Variants in COL4A5 observed in about 807,000 individuals in gnomAD.
COL4A5 encodes collagen type IV alpha 5 chain.
COL4A5 carries 26 observed loss-of-function variants against 130.2 expected under a neutral mutation model. That is an observed-to-expected ratio of 0.20 (90% CI 0.15 to 0.28). The LOEUF (loss-of-function observed/expected upper bound fraction) is 0.28. COL4A5 is among the 10% of genes least tolerant of loss of function. COL4A5 has a pLI of 1.00. For missense variants in COL4A5, 1,131 were observed against 1,344.3 expected, an observed-to-expected ratio of 0.84 and a Z score of 2.48; for synonymous variants, 496 against 439.6, an observed-to-expected ratio of 1.13 and a Z score of -1.60.
intron 30 of COL4A5, 136 bp from the exon 31 acceptor site, chrX:108,620,123 T>C (rs1043796805): frequency 1.9e-5 from 10 of 528,496 alleles, no homozygotes; most frequent in African/African-American, 1.8e-4. Flanking sequence ...TTTGTGTGCA[T>C]GATGTCAAAA....
chrX:108,605,487 T>G (rs900500600), intron 28 of COL4A5, among the ~76,000 whole-genome samples: 4 of 111,844 alleles, frequency 3.6e-5, no homozygotes, highest in Non-Finnish European at 7.5e-5. Flanking sequence ...GTAACATCAG[T>G]GATCACATAT....
chrX:108,605,461 C>T (rs1203159671), intron 28 of COL4A5, among the ~76,000 whole-genome samples: 2 of 111,018 alleles, frequency 1.8e-5, no homozygotes, highest in African/African-American at 6.6e-5. Context: ...TTATGGTACC[C>T]CAAAACAATT....
At chrX:108,579,090 A>C (rs2066203246) in intron 13 of COL4A5, among the ~76,000 whole-genome samples, 1 of 111,674 alleles carries the variant, frequency 9.0e-6, no homozygotes, top group African/African-American at 3.3e-5. Context: ...CAGGGTAGTG[A>C]AACTATCAGT....
At chrX:108,574,598 ATATTTAGCTTTGCTT>A (rs1191645970) in intron 9 of COL4A5, among the ~76,000 whole-genome samples, 3 of 111,785 alleles carry the variant, frequency 2.7e-5, no homozygotes, top group Non-Finnish European at 5.6e-5. Context: ...AAGCAATAGA[ATATTTAGCTTTGCTT>A]TATAAAATAA....
At chrX:108,626,473 AT>A in intron 36 of COL4A5, 124 bp downstream of exon 36, 1 of 1,170,770 alleles carries the variant, frequency 8.5e-7, no homozygotes, top group Non-Finnish European at 1.2e-6. Context: ...TGGATAAGAG[AT>A]TTATTCCTTT....
chrX:108,651,700 A>T (rs1192913832), intron 36 of COL4A5, among the ~76,000 whole-genome samples: 3 of 111,785 alleles, frequency 2.7e-5, no homozygotes, highest in Non-Finnish European at 5.6e-5. Context: ...CTTGCATGGT[A>T]AAGGGTAGTA....
chrX:108,526,656 CTTTCTTCTTTCTTTCTCTTTCTT>C (rs1569481194), intron 1 of COL4A5, among the ~76,000 whole-genome samples: 146 of 51,728 alleles, frequency 2.8e-3, no homozygotes, highest in African/African-American at 0.011. Flanking sequence ...TTCTTTCTTT[CTTTCTTCTTTCTTTCTCTTTCTT>C]TCTTTCTTTC....
At chrX:108,659,789 GT>G (rs772233407) in intron 37 of COL4A5, among the ~76,000 whole-genome samples, 2 of 111,015 alleles carry the variant, frequency 1.8e-5, no homozygotes, top group African/African-American at 6.5e-5. Context: ...TTTAAAATAT[GT>G]TTTTTAGGAA....
rs770328581 is a variant in COL4A5, at chrX:108,687,596, C to T, written c.4430C>T (p.Thr1477Met). Residue 1477 changes from threonine (T) to methionine (M), a missense_variant, in exon 49 of 53, where the codon ACG becomes ATG. Physicochemically the swap from Thr to Met is moderately conservative, Grantham distance 81. Coordinates refer to ENST00000328300, the MANE Select transcript of COL4A5 (RefSeq NM_033380.3). ...CTTATTACACGCCACAGCCAGACAA[C>T]GGATGCACCACAATGCCCACAGGGA... is the stretch of plus-strand genomic sequence containing the variant. Reference protein sequence around the residue: ...GFLITRHSQTTDAPQCPQGTL... With the variant: ...GFLITRHSQTMDAPQCPQGTL... 10 of 1,209,301 alleles carry T rather than the reference C, an allele frequency of 8.3e-6. No individual in the cohort carries two copies. Among genetic ancestry groups the T allele is most frequent in the South Asian group, 3.5e-5 (2 of 56,767 alleles).
intron 25 of COL4A5, 47 bp downstream of exon 25, chrX:108,598,917 A>G (rs766554308): frequency 1.7e-6 from 2 of 1,171,691 alleles, no homozygotes; most frequent in Non-Finnish European, 2.3e-6. Flanking sequence ...AAAAACAGAA[A>G]TTTATTATGT....
chrX:108,633,252 A>AT (rs1045480854), intron 36 of COL4A5, among the ~76,000 whole-genome samples: 4 of 110,547 alleles, frequency 3.6e-5, no homozygotes, highest in African/African-American at 9.9e-5. Context: ...AGATTTTAGG[A>AT]TTTTTTGGAA....
At chrX:108,447,156 A>G (rs967930486) in intron 1 of COL4A5, among the ~76,000 whole-genome samples, 1 of 111,039 alleles carries the variant, frequency 9.0e-6, no homozygotes, top group African/African-American at 3.3e-5. Flanking sequence ...CCTGCACTGT[A>G]GCTGTCTTTC....
At chrX:108,668,698 A>G (rs1433987257) in intron 41 of COL4A5, among the ~76,000 whole-genome samples, 194 bp downstream of exon 41, 1 of 112,414 alleles carries the variant, frequency 8.9e-6, no homozygotes, top group Non-Finnish European at 1.9e-5. Flanking sequence ...ATCTATTTCC[A>G]TGGTTCTAAT....
Position 108,625,769 on chromosome X carries a change from A to T in COL4A5, c.3081A>T (p.Gly1027=). 1 of 1,205,777 alleles carries T rather than the reference A, an allele frequency of 8.3e-7. No individual in the cohort carries two copies. The highest frequency in any genetic ancestry group is 1.1e-6 in the Non-Finnish European group (1 of 890,166). ...TTATAGGACCTCCTGGACTTAAAGGAACCATCGGTGATATGGGTTTTCCAG... is the reference window on the plus strand; with the variant it reads ...TTATAGGACCTCCTGGACTTAAAGGTACCATCGGTGATATGGGTTTTCCAG... The part of the protein sequence containing the change: ...PGLIGPPGLK[G]TIGDMGFPGP... The change falls in exon 35 of 53, where the codon GGA becomes GGT. Residue 1027 remains glycine, a synonymous_variant. Coordinates refer to ENST00000328300, the MANE Select transcript of COL4A5 (RefSeq NM_033380.3).
chrX:108,668,493 C>T lies in COL4A5; in HGVS notation c.3779C>T (p.Pro1260Leu), dbSNP rs2068132607. 10 of 1,183,016 alleles carry T rather than the reference C, an allele frequency of 8.5e-6. No homozygotes were observed. Among genetic ancestry groups the T allele is most frequent in the Non-Finnish European group, 1.1e-5 (10 of 882,024 alleles). ...PKGNPGPQGP[P>L]GRPGPTGFQG... is the part of the protein sequence containing the mutation. ...GGCAACCCTGGGCCCCAAGGTCCTCCTGGGAGACCAGGTATGTCCGTGAGT... is the reference window on the plus strand; with the variant it reads ...GGCAACCCTGGGCCCCAAGGTCCTCTTGGGAGACCAGGTATGTCCGTGAGT... Residue 1260 changes from proline to leucine, a missense_variant, in exon 41 of 53, where the codon CCT becomes CTT. Coordinates refer to ENST00000328300, the MANE Select transcript of COL4A5 (RefSeq NM_033380.3).
At chrX:108,662,432 C>T (rs2067979694) in intron 37 of COL4A5, among the ~76,000 whole-genome samples, 1 of 111,359 alleles carries the variant, frequency 9.0e-6, no homozygotes, top group South Asian at 3.8e-4. Context: ...CAGAATTCTA[C>T]CATCTCCACC....
intron 1 of COL4A5, among the ~76,000 whole-genome samples, chrX:108,472,949 A>G (rs2064789049): frequency 8.9e-6 from 1 of 111,849 alleles, no homozygotes; most frequent in African/African-American, 3.2e-5. Flanking sequence ...TAGCTTTTTG[A>G]TAACAGCCAG....
At chrX:108,602,773 A>G (rs781733796) in intron 27 of COL4A5, among the ~76,000 whole-genome samples, 191 bp from the exon 28 acceptor site, 2 of 112,175 alleles carry the variant, frequency 1.8e-5, no homozygotes, top group Non-Finnish European at 3.8e-5. Context: ...CATTAGCTCT[A>G]TGTGAAAATA....
At chrX:108,537,443 A>T (rs1410767804) in intron 1 of COL4A5, among the ~76,000 whole-genome samples, 1 of 112,100 alleles carries the variant, frequency 8.9e-6, no homozygotes, top group African/African-American at 3.2e-5. Flanking sequence ...AATTACTTGT[A>T]AAATGACATG....
Sources: gnomAD v4.1 joint callset for allele counts (sites outside exome capture counted in the v4.1 genomes callset) on GRCh38, gnomAD v4.1.1 for gene constraint, MANE v1.5 for transcripts, NCBI Gene and HGNC (gene_info 2026-07-23, HGNC 2026-07-21) for gene names.